ARFGEF2: variants seen among roughly 807,000 people sequenced by gnomAD.
The protein encoded by ARFGEF2 is ARF guanine nucleotide exchange factor 2.
A neutral mutation model predicts 219.9 loss-of-function variants in ARFGEF2; 74 were observed. The ratio of observed to expected loss-of-function variants is 0.34; its 90% CI spans 0.28 to 0.41. The LOEUF (loss-of-function observed/expected upper bound fraction) is 0.41, where lower values mean the gene tolerates loss of function less well. Among genes scored for constraint, ARFGEF2 ranks in the 10% least tolerant of loss-of-function variants. The pLI, the probability that ARFGEF2 is intolerant of heterozygous loss-of-function variation, is 1.00. For synonymous variants in ARFGEF2, 733 were observed against 799.2 expected, an observed-to-expected ratio of 0.92 and a Z score of 1.40; for missense variants, 1,743 against 2,218.3, an observed-to-expected ratio of 0.79 and a Z score of 4.30.
chr20:48,935,685 C>G (rs1422560789), intron 1 of ARFGEF2, among the ~76,000 whole-genome samples: 1 of 151,212 alleles, frequency 6.6e-6, no homozygotes, highest in Non-Finnish European at 1.5e-5. Context: ...CAGAGGCGCC[C>G]CTCACCTCCT....
At chr20:48,950,830 A>ATATATGTATG (rs2091065606) in intron 3 of ARFGEF2, among the ~76,000 whole-genome samples, 1 of 131,826 alleles carries the variant, frequency 7.6e-6, no homozygotes, top group Non-Finnish European at 1.6e-5. Context: ...ATATATATAT[A>ATATATGTATG]TATATATATA....
chr20:48,959,417 C>CTCCCTCCA (rs1568705190), intron 6 of ARFGEF2, among the ~76,000 whole-genome samples: 5 of 63,834 alleles, frequency 7.8e-5, no homozygotes, highest in East Asian at 4.9e-4. Context: ...CCTTCCCTCC[C>CTCCCTCCA]TCCCTCCCTT....
intron 10 of ARFGEF2, 136 bp downstream of exon 10, chr20:48,971,490 A>C: frequency 1.2e-6 from 1 of 840,486 alleles, no homozygotes; most frequent in South Asian, 1.7e-5. Context: ...TTCATATCTT[A>C]CCATCCTGGA....
intron 6 of ARFGEF2, among the ~76,000 whole-genome samples, 183 bp from the exon 7 acceptor site, chr20:48,963,647 G>A (rs2123393986): frequency 6.6e-6 from 1 of 152,338 alleles, no homozygotes; most frequent in South Asian, 2.1e-4. Flanking sequence ...AACAGATGCT[G>A]CCTAAGTTTC....
rs572331732 is a variant in ARFGEF2 at position 49,031,946 on chromosome 20, T to C, written c.5064-103T>C. 9 of 937,028 alleles carry C rather than the reference T, an allele frequency of 9.6e-6. No individual in the cohort carries two copies. The African/African-American group carries it at 1.5e-4, about 15-fold the overall frequency. 58.0% of individuals were successfully genotyped at this position (937,028 alleles called of 1,614,324 possible). A position where few individuals can be genotyped will look rare whatever the true frequency, so the allele number is the denominator to read the frequency against. On this transcript the variant is annotated intron_variant, in intron 37 of 38. Coordinates refer to ENST00000371917, the MANE Select transcript of ARFGEF2 (RefSeq NM_006420.3). ...AAAAAAAAAGTAATTAAAAAAAACA[T>C]GTTAAAATAATTTTAAAAATAGCAC...
intron 14 of ARFGEF2, among the ~76,000 whole-genome samples, chr20:48,981,672 GTTCGT>G (rs1043447632): frequency 5.3e-5 from 8 of 152,138 alleles, no homozygotes; most frequent in Non-Finnish European, 8.8e-5. Context: ...TGGAGGCTTT[GTTCGT>G]TTCTTTTTAT....
rs949215903 is a variant in ARFGEF2, at chr20:49,034,039, T to C, written c.*840T>C. 1.3e-5 allele frequency: 2 copies of C among 152,212 alleles called. No individual in the cohort carries two copies. Among genetic ancestry groups the C allele is most frequent in the Admixed American group, 1.3e-4 (2 of 15,276 alleles). 9.4% of individuals were successfully genotyped at this position (152,212 alleles called of 1,614,324 possible). A position where few individuals can be genotyped will look rare whatever the true frequency, so the allele number is the denominator to read the frequency against. On this transcript the variant is annotated 3_prime_UTR_variant, in exon 39 of 39. Transcript: ENST00000371917. The stretch of plus-strand genomic sequence containing the variant: ...CCATCTCACACACTCTGAAATCTAA[T>C]ATATGAAGTAGTAATGAAAATGAAG...
intron 36 of ARFGEF2, among the ~76,000 whole-genome samples, chr20:49,026,451 T>G (rs1210556931): frequency 6.6e-6 from 1 of 152,062 alleles, no homozygotes; most frequent in Non-Finnish European, 1.5e-5. Flanking sequence ...CTTTCCTACC[T>G]CCAAAAATAA....
intron 1 of ARFGEF2, among the ~76,000 whole-genome samples, chr20:48,925,801 C>A (rs2090873141): frequency 6.6e-6 from 1 of 152,094 alleles, no homozygotes; most frequent in Non-Finnish European, 1.5e-5. Context: ...CATGCCATTG[C>A]ACTCCAGCCG....
chr20:49,036,163 T>C lies in ARFGEF2; in HGVS notation c.*2964T>C, dbSNP rs1158986310. The stretch of plus-strand genomic sequence containing the variant: ...TTGGTTTCAATAGAAGCTGGATCCT[T>C]AATACTGCATTTTCTGAATTCTGTT... On this transcript the variant is annotated 3_prime_UTR_variant, in exon 39 of 39. Transcript: ENST00000371917. The C allele has an allele frequency of 7.5e-6, 3 of 398,346 alleles. No individual in the cohort carries two copies. Among genetic ancestry groups the C allele is most frequent in the Non-Finnish European group, 1.3e-5 (3 of 225,924 alleles). The allele number at this position is 398,346 out of a possible 1,614,324, so 24.7% of individuals were successfully genotyped here. A position where few individuals can be genotyped will look rare whatever the true frequency, so the allele number is the denominator to read the frequency against.
At chr20:48,968,730 G>T (rs778405351) in intron 8 of ARFGEF2, among the ~76,000 whole-genome samples, 11 of 151,924 alleles carry the variant, frequency 7.2e-5, no homozygotes, top group Admixed American at 1.3e-4. Context: ...ATTAGTTTTG[G>T]TTTTTTTACA....
chr20:48,978,665 C>T (rs184495566), intron 14 of ARFGEF2, among the ~76,000 whole-genome samples: 15 of 152,188 alleles, frequency 9.9e-5, no homozygotes, highest in Non-Finnish European at 2.1e-4. Context: ...GTTTATAGTT[C>T]TCCTTGAAGA....
chr20:48,960,068 A>G (rs1600611641), intron 6 of ARFGEF2, among the ~76,000 whole-genome samples: 1 of 152,228 alleles, frequency 6.6e-6, no homozygotes, highest in East Asian at 1.9e-4. Flanking sequence ...GTTCTGAGAA[A>G]TGAGTCATAG....
chr20:48,944,895 C>T (rs1247606083), intron 3 of ARFGEF2, among the ~76,000 whole-genome samples: 1 of 152,166 alleles, frequency 6.6e-6, no homozygotes, highest in Non-Finnish European at 1.5e-5. Flanking sequence ...CTGTCTTAGT[C>T]TGCTTGGGTT....
chr20:48,953,598 C>A lies in ARFGEF2; in HGVS notation c.646C>A (p.Pro216Thr), dbSNP rs1766570962. Residue 216 changes from proline (P) to threonine (T), a missense_variant, in exon 6 of 39, where the codon CCC becomes ACC. Pro to Thr is a conservative substitution (Grantham distance 38, BLOSUM62 -1). Around this residue, in one of 5 missense-constraint regions of ARFGEF2, gnomAD observed 394 missense variants for 426.6 expected, o/e 0.92. Transcript: ENST00000371917. ...RELEKPIQSKPQSPVIQAAAV... is the reference protein window; with the variant it reads ...RELEKPIQSKTQSPVIQAAAV... ...ACTGGAAAAACCAATCCAGTCAAAA[C>A]CCCAGTCCCCTGTGATCCAAGCTGC... 5 of 1,614,026 alleles carry A rather than the reference C, an allele frequency of 3.1e-6. No homozygotes were observed. Among genetic ancestry groups the A allele is most frequent in the Non-Finnish European group, 3.4e-6 (4 of 1,180,044 alleles).
At chr20:49,029,658 C>T (rs1479752526) in intron 37 of ARFGEF2, among the ~76,000 whole-genome samples, 1 of 151,082 alleles carries the variant, frequency 6.6e-6, no homozygotes, top group African/African-American at 2.4e-5. Context: ...GTGGTGCAAT[C>T]TCAGCTCACT....
Position 48,926,145 on chromosome 20 carries a change from G to A in ARFGEF2, c.121+4135G>A, listed in dbSNP as rs114556442. ...ACCAGGGTATAAACACAGGCAATCT[G>A]GCTCCATAGTCCAAGATCTTAACTA... On this transcript the variant is annotated intron_variant, in intron 1 of 38. Coordinates refer to ENST00000371917, the MANE Select transcript of ARFGEF2 (RefSeq NM_006420.3). Among the ~76,000 whole-genome samples the A allele has an allele frequency of 5.3e-3, 813 of 152,206 alleles. 8 individuals are homozygous for A. The highest frequency in any genetic ancestry group is 0.018 in the African/African-American group (762 of 41,514).
rs775595858 is a variant in ARFGEF2 at position 48,973,628 on chromosome 20, G to T, written c.1665+344G>T. On this transcript the variant is annotated intron_variant, in intron 12 of 38. Transcript: ENST00000371917. ...TCTCAGTCACCCTTCCAAAGATAGCGTGGAAAACAGGATCCCAGTCTGCAA... is the reference window on the plus strand; with the variant it reads ...TCTCAGTCACCCTTCCAAAGATAGCTTGGAAAACAGGATCCCAGTCTGCAA... Among the ~76,000 whole-genome samples, 4 of 152,136 alleles carry T rather than the reference G, an allele frequency of 2.6e-5. No individual in the cohort carries two copies. In the East Asian group the frequency reaches 7.7e-4, roughly 29 times the overall value.
chr20:49,016,209 A>C, intron 30 of ARFGEF2, 71 bp from the exon 31 acceptor site: 1 of 1,564,050 alleles, frequency 6.4e-7, no homozygotes, highest in Non-Finnish European at 8.8e-7. Flanking sequence ...CAGTTTTGCC[A>C]GGAGTGTACA....
Sources: allele counts gnomAD v4.1 joint callset (sites outside exome capture counted in the v4.1 genomes callset), GRCh38; gene constraint gnomAD v4.1.1; regional missense constraint gnomAD v4.1.1; transcripts MANE v1.5; gene names NCBI Gene and HGNC (gene_info 2026-07-23, HGNC 2026-07-21).